Variants in SRGAP3 observed in about 807,000 individuals in gnomAD.
The protein encoded by SRGAP3 is SLIT-ROBO Rho GTPase-activating protein 3.
In SRGAP3, 39 loss-of-function variants were observed where a neutral mutation model predicts 121.1. That is an observed-to-expected ratio of 0.32 (90% CI 0.25 to 0.42). The LOEUF (loss-of-function observed/expected upper bound fraction) is 0.42. Among genes scored for constraint, SRGAP3 ranks in the 10% least tolerant of loss-of-function variants. The pLI is 1.00. For missense variants in SRGAP3, 1,213 were observed against 1,470.6 expected, an observed-to-expected ratio of 0.82 and a Z score of 2.86; for synonymous variants, 601 against 570.0, an observed-to-expected ratio of 1.05 and a Z score of -0.77.
rs577920851 is a variant in SRGAP3, at chr3:9,333,973, C to T, written n.215-3377G>A. On this transcript the variant is annotated intron_variant and non_coding_transcript_variant, in intron 1 of 3. Transcript: ENST00000490889. Reference sequence around the variant, plus strand: ...GAAATGCAAGGAATAGCAATCACCTCATAAACACCCCTTTAGCATCACCAA... The same window carrying T: ...GAAATGCAAGGAATAGCAATCACCTTATAAACACCCCTTTAGCATCACCAA... 2.6e-5 allele frequency among the ~76,000 whole-genome samples: 4 copies of T among 152,200 alleles called. No homozygotes were observed. In the South Asian group the frequency reaches 8.3e-4, roughly 32 times the overall value.
chr3:9,085,772 GATAC>G (rs1183765975), intron 3 of SRGAP3, among the ~76,000 whole-genome samples: 2 of 152,244 alleles, frequency 1.3e-5, no homozygotes, highest in African/African-American at 4.8e-5. Context: ...AAAACACATT[GATAC>G]ATACAGGGAA....
intron 1 of SRGAP3, among the ~76,000 whole-genome samples, chr3:9,210,474 G>A (rs1952412211): frequency 6.6e-6 from 1 of 152,062 alleles, no homozygotes; most frequent in Admixed American, 6.6e-5. Flanking sequence ...GTGACACAGT[G>A]AGACTCTGTC....
intron 3 of SRGAP3, among the ~76,000 whole-genome samples, chr3:9,099,819 T>C (rs1232046363): frequency 6.6e-6 from 1 of 152,246 alleles, no homozygotes; most frequent in Non-Finnish European, 1.5e-5. Flanking sequence ...TCCTGATGCA[T>C]GCTAGATTTT....
At chr3:9,060,428 C>CTT (rs59248524) in intron 5 of SRGAP3, 69 bp from the exon 6 acceptor site, 16,773 of 1,141,872 alleles carry the variant, frequency 0.015, 118 homozygotes, top group East Asian at 0.019. Flanking sequence ...TTTTCTATTC[C>CTT]TTTTTTTTTT....
At chr3:8,989,727 GTTCTA>G (rs1282369376) in intron 21 of SRGAP3, among the ~76,000 whole-genome samples, 3 of 152,168 alleles carry the variant, frequency 2.0e-5, no homozygotes, top group Non-Finnish European at 2.9e-5. Flanking sequence ...ACAAATCACA[GTTCTA>G]TTCATTTGGC....
intron 1 of SRGAP3, among the ~76,000 whole-genome samples, chr3:9,205,386 C>G (rs181538319): frequency 6.6e-6 from 1 of 152,220 alleles, no homozygotes; most frequent in Non-Finnish European, 1.5e-5. Context: ...ACGTCTCACA[C>G]GGGACTAACC....
intron 8 of SRGAP3, among the ~76,000 whole-genome samples, chr3:9,055,869 C>A (rs1057275562): frequency 3.4e-5 from 5 of 147,156 alleles, no homozygotes; most frequent in Non-Finnish European, 7.5e-5. Context: ...AACATAGAGT[C>A]CTATTTCCTT....
intron 3 of SRGAP3, among the ~76,000 whole-genome samples, chr3:9,308,735 T>C (rs557012029): frequency 6.6e-6 from 1 of 152,288 alleles, no homozygotes; most frequent in South Asian, 2.1e-4. Context: ...ATGGAAATGA[T>C]GGGGAATTAT....
In SRGAP3 at chr3:9,106,364, G is replaced by A. The variant is rs146531705; in HGVS notation, c.261-1522C>T. 4.2e-3 allele frequency among the ~76,000 whole-genome samples: 647 copies of A among 152,318 alleles called. 4 individuals are homozygous for A. The highest frequency in any genetic ancestry group is 0.017 in the Middle Eastern group (5 of 294). On this transcript the variant is annotated intron_variant, in intron 2 of 21. Transcript: ENST00000383836. ...GGGAGAGGCCCTTCCACCACCTGAG[G>A]TGGCAGCTCCAGGGTTCCCCCAGGC... is the stretch of plus-strand genomic sequence containing the variant.
chr3:9,264,743 CATTCCATGCTCATGG>C, intron 3 of SRGAP3, among the ~76,000 whole-genome samples: 1 of 152,318 alleles, frequency 6.6e-6, no homozygotes, highest in East Asian at 1.9e-4. Context: ...AATGAAAAAA[CATTCCATGCTCATGG>C]ATAGGAAGAA....
intron 4 of SRGAP3, among the ~76,000 whole-genome samples, chr3:9,079,035 T>G (rs1472698960): frequency 1.3e-5 from 2 of 152,144 alleles, no homozygotes; most frequent in East Asian, 3.9e-4. Context: ...ATTTACCACC[T>G]GCTGGCCACA....
At chr3:9,066,993 C>A (rs1313100423) in intron 4 of SRGAP3, among the ~76,000 whole-genome samples, 1 of 152,212 alleles carries the variant, frequency 6.6e-6, no homozygotes, top group Non-Finnish European at 1.5e-5. Context: ...ACCTCTCTGA[C>A]CTCTGCTTCC....
At chr3:9,126,019 G>A (rs1949211328) in intron 1 of SRGAP3, among the ~76,000 whole-genome samples, 1 of 152,202 alleles carries the variant, frequency 6.6e-6, no homozygotes, top group Non-Finnish European at 1.5e-5. Flanking sequence ...ATGGTGGCCA[G>A]CGTCATTTCA....
rs1943491620 is a variant in SRGAP3, at chr3:9,013,802, T to C, written c.1854A>G (p.Gln618=). The change falls in exon 16 of 22, where the codon CAA becomes CAG. Residue 618 remains glutamine (Q), a synonymous_variant. Coordinates refer to ENST00000383836, the MANE Select transcript of SRGAP3 (RefSeq NM_014850.4). ...CCACGCGGGGAAGGGTGACGAGGAT[T>C]TGTTGGATCTGGTGCACCCTCTCGG... ...NPAERVHQIQ[Q]ILVTLPRVVI... The C allele has an allele frequency of 6.2e-7, 1 of 1,614,168 alleles. No homozygotes were observed. The highest frequency in any genetic ancestry group is 1.7e-5 in the Admixed American group (1 of 60,022).
At chr3:9,209,893 A>G (rs1381889803) in intron 1 of SRGAP3, among the ~76,000 whole-genome samples, 2 of 152,232 alleles carry the variant, frequency 1.3e-5, no homozygotes, top group African/African-American at 2.4e-5. Context: ...AACAATCCAA[A>G]TGTCTACCAA....
At chr3:9,169,552 C>CTACT in intron 1 of SRGAP3, among the ~76,000 whole-genome samples, 1 of 152,330 alleles carries the variant, frequency 6.6e-6, no homozygotes, top group Non-Finnish European at 1.5e-5. Context: ...ACACTATTAA[C>CTACT]TACTAATTAT....
intron 1 of SRGAP3, among the ~76,000 whole-genome samples, chr3:9,243,575 T>C (rs1331339049): frequency 2.7e-5 from 4 of 150,034 alleles, no homozygotes; most frequent in Admixed American, 2.0e-4. Flanking sequence ...GCAGAGGTTA[T>C]AGTGAGCCAA....
intron 18 of SRGAP3, 39 bp downstream of exon 18, chr3:9,010,269 C>G (rs1943296829): frequency 6.2e-7 from 1 of 1,612,394 alleles, no homozygotes; most frequent in African/African-American, 1.3e-5. Context: ...TGAGAGGCCC[C>G]AGGAAGAATC....
intron 4 of SRGAP3, among the ~76,000 whole-genome samples, chr3:9,078,001 ACG>A (rs1947052225): frequency 2.0e-5 from 3 of 152,230 alleles, no homozygotes; most frequent in Middle Eastern, 3.2e-3. Context: ...ATGTTGGGAG[ACG>A]GGATATAGAC....
Sources: allele counts gnomAD v4.1 joint callset (sites outside exome capture counted in the v4.1 genomes callset), GRCh38; gene constraint gnomAD v4.1.1; transcripts MANE v1.5; gene names NCBI Gene and HGNC (gene_info 2026-07-23, HGNC 2026-07-21).